The following TSC2 variants were observed in gnomAD, a reference collection of about 807,000 sequenced individuals.
TSC2 encodes TSC complex subunit 2.
TSC2 carries 29 observed loss-of-function variants against 202.2 expected under a neutral mutation model. The ratio of observed to expected loss-of-function variants is 0.14; its 90% CI spans 0.11 to 0.20. The LOEUF is 0.20. TSC2 is among the 10% of genes least tolerant of loss of function. The pLI is 1.00. For synonymous variants in TSC2, 1,349 were observed against 1,044.0 expected, an observed-to-expected ratio of 1.29 and a Z score of -5.63; for missense variants, 2,429 against 2,420.0, an observed-to-expected ratio of 1.00 and a Z score of -0.08.
chr16:2,055,205 C>T, intron 5 of TSC2, 197 bp from the exon 6 acceptor site: 1 of 655,094 alleles, frequency 1.5e-6, no homozygotes, highest in Non-Finnish European at 2.8e-6. Context: ...ATCCTAGTGT[C>T]CGTGCGTAGC....
Position 2,064,397 on chromosome 16 carries a change from C to G in TSC2, c.1569C>G (p.His523Gln), listed in dbSNP as rs1420211177. 1.9e-6 allele frequency: 3 copies of G among 1,613,626 alleles called. No homozygotes were observed. Among genetic ancestry groups the G allele is most frequent in the Non-Finnish European group, 2.5e-6 (3 of 1,180,044 alleles). ...VDLAEGCHTH[H>Q]FNSLLDIIEK... ...TGGCAGAGGGCTGCCACACACACCA[C>G]TTCAACAGCCTGCTGGACATCATCG... The change falls in exon 15 of 42, where the codon CAC becomes CAG. Residue 523 changes from histidine to glutamine, a missense_variant. Transcript: ENST00000219476.
At chr16:2,048,338 C>CT in intron 1 of TSC2, 1 of 913,544 alleles carries the variant, frequency 1.1e-6, no homozygotes, top group Non-Finnish European at 1.8e-6. Context: ...AACCCGTGCA[C>CT]TGAGTCGGGC....
intron 33 of TSC2, 118 bp from the exon 34 acceptor site, chr16:2,084,110 G>C: frequency 6.6e-7 from 1 of 1,523,470 alleles, no homozygotes; most frequent in Non-Finnish European, 8.9e-7. Flanking sequence ...CCTGGTGCTC[G>C]GGCTGGTCTG....
intron 10 of TSC2, among the ~76,000 whole-genome samples, chr16:2,060,371 G>A (rs749778916): frequency 3.9e-5 from 6 of 152,182 alleles, no homozygotes; most frequent in African/African-American, 7.2e-5. Context: ...CGAACTCAGG[G>A]CAGCTTTCAG....
chr16:2,084,979 C>T lies in TSC2; in HGVS notation c.4522C>T (p.Pro1508Ser), dbSNP rs2090582590. Residue 1508 changes from proline (P) to serine (S), a missense_variant, in exon 35 of 42, where the codon CCC becomes TCC. Transcript: ENST00000219476. The stretch of plus-strand genomic sequence containing the variant: ...CGTGTTCCTGCAGCTCTACCATTCC[C>T]CCTTCTTTGGCGACGAGTCAAACAA... ...SFVFLQLYHS[P>S]FFGDESNKPI... 1 of 1,613,356 alleles carries T rather than the reference C, an allele frequency of 6.2e-7. No homozygotes were observed. The highest frequency in any genetic ancestry group is 8.5e-7 in the Non-Finnish European group (1 of 1,179,980).
chr16:2,075,784 T>C lies in TSC2; in HGVS notation c.2546-15T>C, dbSNP rs371256839. 6.2e-6 allele frequency: 10 copies of C among 1,611,740 alleles called. No individual in the cohort carries two copies. The highest frequency in any genetic ancestry group is 8.5e-6 in the Non-Finnish European group (10 of 1,179,850). ...GGGACCCCGGCTCCCCTGACCACCC[T>C]CTCCATTACCGCAGCTCTGGCCAGG... On this transcript the variant is annotated splice_polypyrimidine_tract_variant and intron_variant, in intron 22 of 41. Coordinates refer to ENST00000219476, the MANE Select transcript of TSC2 (RefSeq NM_000548.5).
rs778296481 is a variant in TSC2, at chr16:2,058,783, C to T, written c.885C>T (p.Ala295=). 1.1e-5 allele frequency: 17 copies of T among 1,593,462 alleles called. No individual in the cohort carries two copies. The highest frequency in any genetic ancestry group is 1.7e-4 in the Middle Eastern group (1 of 5,984). Residue 295 remains alanine, a synonymous_variant, in exon 10 of 42, where the codon GCC becomes GCT. Coordinates refer to ENST00000219476, the MANE Select transcript of TSC2 (RefSeq NM_000548.5). ...AGGACGCGCCCCTGCTGAGAGGAGC[C>T]GTGTTTTTTGTGGGCATGGCTCTCT... ...YMEDAPLLRG[A]VFFVGMALWG... is the part of the protein sequence containing the mutation.
chr16:2,063,935 C>G (rs1005894055), intron 14 of TSC2: 5 of 435,254 alleles, frequency 1.1e-5, no homozygotes, highest in Non-Finnish European at 2.2e-5. Context: ...CCCTCACGCA[C>G]ACACGCACAG....
chr16:2,061,855 G>A lies in TSC2; in HGVS notation c.1120-16G>A, dbSNP rs768241936. 1.2e-5 allele frequency: 19 copies of A among 1,613,928 alleles called. No individual in the cohort carries two copies. In the African/African-American group the frequency reaches 1.5e-4, roughly 12 times the overall value. On this transcript the variant is annotated splice_polypyrimidine_tract_variant and intron_variant, in intron 11 of 41. Coordinates refer to ENST00000219476, the MANE Select transcript of TSC2 (RefSeq NM_000548.5). ...GGAGTGGAAGTCAGCCTGTGTCATC[G>A]TGCCTGGTACTGCAGACCTTGGACA...
rs202114637 is a variant in TSC2 at position 2,080,361 on chromosome 16, G to C, written c.3594G>C (p.Leu1198=). 6.2e-7 allele frequency: 1 copy of C among 1,611,902 alleles called. No homozygotes were observed. Among genetic ancestry groups the C allele is most frequent in the Non-Finnish European group, 8.5e-7 (1 of 1,179,940 alleles). The change falls in exon 30 of 42, where the codon CTG becomes CTC. Residue 1198 remains leucine, a synonymous_variant. Coordinates refer to ENST00000219476, the MANE Select transcript of TSC2 (RefSeq NM_000548.5). ...TGACCCAGGGCTGGGCGGAGATCCT[G>C]GTCCGGAGGCCCACAGGTACTGGGC... ...PLLTQGWAEI[L]VRRPTGNTSW... is the part of the protein sequence containing the mutation.
Position 2,075,833 on chromosome 16 carries a change from T to C in TSC2, c.2580T>C (p.Phe860=), listed in dbSNP as rs13337626. The C allele has an allele frequency of 0.079, 126,699 of 1,612,884 alleles. 5,307 individuals are homozygous for C. The highest frequency in any genetic ancestry group is 0.089 in the African/African-American group (6,654 of 75,016). ...LARLPHLYRN[F]AAEQYASVFA... ...GGCTGCCGCACCTCTACAGGAACTT[T>C]GCCGCGGAGCAGTATGCCAGTGTGT... Residue 860 remains phenylalanine (F), a synonymous_variant, in exon 23 of 42, where the codon TTT becomes TTC. Coordinates refer to ENST00000219476, the MANE Select transcript of TSC2 (RefSeq NM_000548.5).
rs56279647 is a variant in TSC2, at chr16:2,088,881, GCACACA to G, written c.*284_*289del. ...ACAGCACACTCGCGCGTGCGCGCGC[GCACACA>G]CACACACACACAGTCACCTTCCTCC... is the stretch of plus-strand genomic sequence containing the variant. On this transcript the variant is annotated 3_prime_UTR_variant, in exon 42 of 42. Transcript: ENST00000219476. 33,541 of 421,114 alleles carry G rather than the reference GCACACA, an allele frequency of 0.08. 1,639 individuals are homozygous for G. The highest frequency in any genetic ancestry group is 0.1 in the Non-Finnish European group (23,633 of 230,600). The allele number at this position is 421,114 out of a possible 1,614,324, so 26.1% of individuals were successfully genotyped here.
At position 2,088,259 on chromosome 16, in the gene TSC2, C is replaced by T. The variant is rs753336580; in HGVS notation, c.5193C>T (p.Asn1731=). 1.9e-6 allele frequency: 3 copies of T among 1,600,626 alleles called. No homozygotes were observed. Among genetic ancestry groups the T allele is most frequent in the African/African-American group, 2.8e-5 (2 of 70,724 alleles). The change falls in exon 41 of 42, where the codon AAC becomes AAT. Residue 1731 remains asparagine (N), a synonymous_variant. Transcript: ENST00000219476. ...MASQVHHSRS[N]PTDIYPSKWI... The stretch of plus-strand genomic sequence containing the variant: ...CACAGGTGCATCATAGCCGCTCCAA[C>T]CCCACCGATATCTACCCCTCCAAGT...
In TSC2 at chr16:2,087,987, T is replaced by G. The variant is rs762096254; in HGVS notation, c.5068+46T>G. 8.1e-6 allele frequency: 13 copies of G among 1,611,706 alleles called. No homozygotes were observed. In the South Asian group the frequency reaches 8.8e-5, roughly 11 times the overall value. On this transcript the variant is annotated intron_variant, in intron 39 of 41. Coordinates refer to ENST00000219476, the MANE Select transcript of TSC2 (RefSeq NM_000548.5). ...GCAGTGCAGGAAAGGTAGGGCCGGGTGGGGCCCTGCAGTGTGGCGCCAAGA... is the reference window on the plus strand; with the variant it reads ...GCAGTGCAGGAAAGGTAGGGCCGGGGGGGGCCCTGCAGTGTGGCGCCAAGA...
At position 2,072,989 on chromosome 16, in the gene TSC2, A is replaced by T. The variant is rs904030973; in HGVS notation, c.2355+6A>T. On this transcript the variant is annotated splice_donor_region_variant and intron_variant, in intron 21 of 41. Coordinates refer to ENST00000219476, the MANE Select transcript of TSC2 (RefSeq NM_000548.5). ...ACCTGGACAAAACCAAACAGGTAGGAGGTCAGAGCAGGACAGGCGAGCTTG... is the reference window on the plus strand; with the variant it reads ...ACCTGGACAAAACCAAACAGGTAGGTGGTCAGAGCAGGACAGGCGAGCTTG... The T allele has an allele frequency of 6.2e-7, 1 of 1,613,226 alleles. No individual in the cohort carries two copies. Among genetic ancestry groups the T allele is most frequent in the Admixed American group, 1.7e-5 (1 of 60,010 alleles).
rs980261526 is a variant in TSC2, at chr16:2,083,690, C to T, written c.3884-5C>T. ...CATCCAGCAGCCCCGTCTGTGTCCT[C>T]CCAGACTCCGCCGTGGTCATGGAGG... On this transcript the variant is annotated splice_region_variant and splice_polypyrimidine_tract_variant and intron_variant, in intron 32 of 41. Coordinates refer to ENST00000219476, the MANE Select transcript of TSC2 (RefSeq NM_000548.5). 1.3e-6 allele frequency: 2 copies of T among 1,577,470 alleles called. No individual in the cohort carries two copies. Among genetic ancestry groups the T allele is most frequent in the Non-Finnish European group, 1.7e-6 (2 of 1,162,278 alleles).
chr16:2,077,850 G>T (rs2089622920), intron 26 of TSC2, 124 bp downstream of exon 26: 13 of 1,525,426 alleles, frequency 8.5e-6, no homozygotes, highest in Non-Finnish European at 1.2e-5. Context: ...GGCCAGCCCA[G>T]GGGGAGCCGG....
intron 6 of TSC2, chr16:2,055,826 G>A: frequency 2.1e-6 from 1 of 465,206 alleles, no homozygotes; most frequent in Non-Finnish European, 3.9e-6. Context: ...GGAAGGCAGA[G>A]GTTGCAGTGA....
intron 20 of TSC2, 79 bp downstream of exon 20, chr16:2,072,442 C>G (rs924549214): frequency 1.3e-6 from 2 of 1,580,280 alleles, no homozygotes; most frequent in South Asian, 1.1e-5. Context: ...CTGGGCAGAG[C>G]GAGTGAGACC....
Sources: allele counts gnomAD v4.1 joint callset (sites outside exome capture counted in the v4.1 genomes callset), GRCh38; gene constraint gnomAD v4.1.1; transcripts MANE v1.5; gene names NCBI Gene and HGNC (gene_info 2026-07-23, HGNC 2026-07-21).